Variants in PPRC1 observed in about 807,000 individuals in gnomAD.
The protein encoded by PPRC1 is peroxisome proliferator-activated receptor gamma coactivator-related protein 1.
A neutral mutation model predicts 132.5 loss-of-function variants in PPRC1; 23 were observed. That is an observed-to-expected ratio of 0.17 (90% CI 0.12 to 0.25). PPRC1 has a LOEUF of 0.25. PPRC1 is among the 10% of genes least tolerant of loss of function. The pLI is 1.00. For synonymous variants in PPRC1, 872 were observed against 833.5 expected (o/e 1.05, Z -0.80); for missense variants, 2,006 against 2,089.1 (o/e 0.96, Z 0.78).
chr10:102,148,870 A>T lies in PPRC1; in HGVS notation c.4671A>T (p.Ser1557=). ...AGATACCTGGCCGCATGACTCGATC[A>T]GAGCTGAAACAGAGGTTCTCCGTTT... is the stretch of plus-strand genomic sequence containing the variant. The part of the protein sequence containing the change: ...IGKIPGRMTR[S]ELKQRFSVFG... Residue 1557 remains serine, a synonymous_variant, in exon 12 of 14, where the codon TCA becomes TCT. Transcript: ENST00000278070. This position sits in a 1 kb window ranked among gnomAD's most constrained non-coding sequence, Gnocchi z 4.2. 6.2e-7 allele frequency: 1 copy of T among 1,614,190 alleles called. No homozygotes were observed.
chr10:102,139,833 C>T lies in PPRC1; in HGVS notation c.1325C>T (p.Pro442Leu), dbSNP rs2068876573. ...EVVEPVVPKE[P>L]QNPPANAAPG... The stretch of plus-strand genomic sequence containing the variant: ...GTGGAGCCGGTGGTGCCCAAGGAGC[C>T]TCAGAACCCACCTGCCAATGCAGCA... Residue 442 changes from proline to leucine, a missense_variant, in exon 5 of 14, where the codon CCT (proline) becomes CTT (leucine). This residue lies in a region of PPRC1 where 1,914 missense variants were observed against 1,917.2 expected (regional missense o/e 1.00). Transcript: ENST00000278070. 1 of 1,614,108 alleles carries T rather than the reference C, an allele frequency of 6.2e-7. No individual in the cohort carries two copies. Among genetic ancestry groups the T allele is most frequent in the Non-Finnish European group, 8.5e-7 (1 of 1,180,010 alleles).
the PPRC1 span, chr10:102,120,210 C>T: frequency 5.9e-6 from 6 of 1,011,136 alleles, no homozygotes; most frequent in Non-Finnish European, 7.1e-6. Flanking sequence ...GCGGCCCCCG[C>T]TGCGCTCGCC....
Position 102,140,213 on chromosome 10 carries a change from C to T in PPRC1, c.1705C>T (p.Pro569Ser), listed in dbSNP as rs367764446. The T allele has an allele frequency of 4.0e-5, 64 of 1,614,114 alleles. No individual in the cohort carries two copies. Among genetic ancestry groups the T allele is most frequent in the Middle Eastern group, 3.3e-4 (2 of 6,084 alleles). ...GCTGGCTGACACTATCCAAACCAAT[C>T]CTATACCAACCCATCTCTCATTGGT... is the stretch of plus-strand genomic sequence containing the variant. ...PKLADTIQTN[P>S]IPTHLSLVDS... The change falls in exon 5 of 14, where the codon CCT (proline) becomes TCT (serine). Residue 569 changes from proline to serine, a missense_variant. Physicochemically the swap from Pro to Ser is moderately conservative, Grantham distance 74. Around this residue, in one of 2 missense-constraint regions of PPRC1, gnomAD observed 1,914 missense variants for 1,917.2 expected, o/e 1.00. Transcript: ENST00000278070.
chr10:102,147,267 C>T lies in PPRC1; in HGVS notation c.4275C>T (p.Arg1425=). 2 of 1,613,078 alleles carry T rather than the reference C, an allele frequency of 1.2e-6. No homozygotes were observed. The highest frequency in any genetic ancestry group is 1.7e-6 in the Non-Finnish European group (2 of 1,180,034). Residue 1425 remains arginine, a synonymous_variant, in exon 9 of 14, where the codon CGC becomes CGT. Transcript: ENST00000278070. Reference sequence around the variant, plus strand: ...AGGGCTGGCAGGGCCGCCGAGGCCGCAACAGCCGTTCTGTCAGCTCTGGGT... The same window carrying T: ...AGGGCTGGCAGGGCCGCCGAGGCCGTAACAGCCGTTCTGTCAGCTCTGGGT... The part of the protein sequence containing the change: ...SSQGWQGRRG[R]NSRSVSSGSN...
At chr10:102,142,519 A>T (rs2069040137) in intron 5 of PPRC1, among the ~76,000 whole-genome samples, 1 of 139,226 alleles carries the variant, frequency 7.2e-6, no homozygotes, top group South Asian at 2.2e-4. Context: ...CCCGGGTTCA[A>T]GCGATTCTCC....
rs149143895 is a variant in PPRC1, at chr10:102,139,747, G to C, written c.1239G>C (p.Gly413=). The change falls in exon 5 of 14, where the codon GGG becomes GGC. Residue 413 remains glycine, a synonymous_variant. Transcript: ENST00000278070. The part of the protein sequence containing the change: ...PKVTLCSEKE[G]LSLNSEEKLD... Reference sequence around the variant, plus strand: ...TAACCCTCTGCTCTGAGAAAGAGGGGTTGTCATTGAACTCAGAGGAGAAGC... The same window carrying C: ...TAACCCTCTGCTCTGAGAAAGAGGGCTTGTCATTGAACTCAGAGGAGAAGC... 108 of 1,614,158 alleles carry C rather than the reference G, an allele frequency of 6.7e-5. No individual in the cohort carries two copies. Among genetic ancestry groups the C allele is most frequent in the Non-Finnish European group, 8.8e-5 (104 of 1,180,046 alleles).
At position 102,140,043 on chromosome 10, in the gene PPRC1, C is replaced by T. The variant is rs778218996; in HGVS notation, c.1535C>T (p.Ser512Phe). ...CCTCAGGAAGAACTTCAAAAAGAGT[C>T]TGGGCCTCTCCAGGGTAAGGGGAAG... ...KQPQEELQKE[S>F]GPLQGKGKPR... is the part of the protein sequence containing the mutation. The change falls in exon 5 of 14, where the codon TCT (serine) becomes TTT (phenylalanine). Residue 512 changes from serine (S) to phenylalanine (F), a missense_variant. This residue lies in a region of PPRC1 where 1,914 missense variants were observed against 1,917.2 expected (regional missense o/e 1.00). Transcript: ENST00000278070. 6 of 1,614,092 alleles carry T rather than the reference C, an allele frequency of 3.7e-6. No homozygotes were observed. In the Admixed American group the frequency reaches 1.0e-4, roughly 27 times the overall value.
chr10:102,144,790 G>T (rs184404313), intron 7 of PPRC1: 4 of 548,878 alleles, frequency 7.3e-6, no homozygotes, highest in Non-Finnish European at 1.3e-5. Flanking sequence ...GAGGTGGGGG[G>T]TATTCAAGGT....
chr10:102,127,698 G>A, the PPRC1 span, among the ~76,000 whole-genome samples: 5 of 151,882 alleles, frequency 3.3e-5, no homozygotes, highest in Admixed American at 6.6e-5. Flanking sequence ...GAGTCACCAC[G>A]CCCGGCCTGC....
At chr10:102,124,413 G>C in the PPRC1 span, among the ~76,000 whole-genome samples, 1 of 152,010 alleles carries the variant, frequency 6.6e-6, no homozygotes, top group Non-Finnish European at 1.5e-5. Flanking sequence ...GCCCAGGCTG[G>C]AGTGCAGTGG....
the PPRC1 span, among the ~76,000 whole-genome samples, chr10:102,127,012 T>C: frequency 2.1e-5 from 2 of 94,500 alleles, no homozygotes; most frequent in African/African-American, 7.3e-5. Flanking sequence ...AGGAATATGG[T>C]TTTTTATCAT....
chr10:102,130,562 C>T (rs1403524024), upstream of PPRC1, among the ~76,000 whole-genome samples: 1 of 151,388 alleles, frequency 6.6e-6, no homozygotes, highest in Admixed American at 6.6e-5. Context: ...ATGGAGAAAC[C>T]CCCTCTCTAC....
Position 102,141,894 on chromosome 10 carries a change from T to A in PPRC1, c.3386T>A (p.Val1129Asp). 6.2e-7 allele frequency: 1 copy of A among 1,614,100 alleles called. No individual in the cohort carries two copies. Among genetic ancestry groups the A allele is most frequent in the Non-Finnish European group, 8.5e-7 (1 of 1,180,014 alleles). The change falls in exon 5 of 14, where the codon GTC (valine) becomes GAC (aspartate). Residue 1129 changes from valine to aspartate, a missense_variant. Val to Asp is a radical substitution (Grantham distance 152, BLOSUM62 -3). Around this residue, in one of 2 missense-constraint regions of PPRC1, gnomAD observed 1,914 missense variants for 1,917.2 expected, o/e 1.00. Transcript: ENST00000278070. Reference protein sequence around the residue: ...KAVPTPRQSTVPKLPAVHPAR... With the variant: ...KAVPTPRQSTDPKLPAVHPAR... ...GTTCCCACACCAAGGCAGAGCACTG[T>A]CCCCAAGCTGCCTGCTGTCCACCCA... is the stretch of plus-strand genomic sequence containing the variant.
intron 1 of PPRC1, among the ~76,000 whole-genome samples, chr10:102,135,365 T>C (rs2068684353): frequency 6.6e-6 from 1 of 152,100 alleles, no homozygotes. Context: ...AAGCTATATA[T>C]ATATATATTT....
chr10:102,136,317 G>T (rs190366706), intron 1 of PPRC1, among the ~76,000 whole-genome samples: 55 of 152,146 alleles, frequency 3.6e-4, no homozygotes, highest in Middle Eastern at 3.4e-3. Flanking sequence ...TTGCCGGGGT[G>T]TGGGGGGTGG....
intron 6 of PPRC1, among the ~76,000 whole-genome samples, chr10:102,143,649 G>A (rs2069097054): frequency 6.6e-6 from 1 of 151,794 alleles, no homozygotes; most frequent in Non-Finnish European, 1.5e-5. Context: ...GTTGTTTAGG[G>A]ACATTTTTCT....
At chr10:102,129,054 C>G (rs1171789259), upstream of PPRC1, among the ~76,000 whole-genome samples, 231 of 150,526 alleles carry the variant, frequency 1.5e-3, 1 homozygote, top group African/African-American at 5.4e-3. Context: ...CTCAGCCTCC[C>G]GCGTAGCTGG....
At chr10:102,120,458 C>G in the PPRC1 span, 1 of 924,190 alleles carries the variant, frequency 1.1e-6, no homozygotes, top group Non-Finnish European at 1.3e-6. Context: ...CCCTCGCGCT[C>G]GCGCTCCCTC....
the PPRC1 span, among the ~76,000 whole-genome samples, chr10:102,123,214 C>T: frequency 3.9e-5 from 6 of 152,224 alleles, no homozygotes; most frequent in African/African-American, 1.4e-4. Context: ...ACAGAGCTAA[C>T]AAGCACTTGA....
Sources: allele counts gnomAD v4.1 joint callset (sites outside exome capture counted in the v4.1 genomes callset), GRCh38; gene constraint gnomAD v4.1.1; regional missense constraint gnomAD v4.1.1; non-coding constraint Gnocchi (gnomAD v3.1); transcripts MANE v1.5; gene names NCBI Gene and HGNC (gene_info 2026-07-23, HGNC 2026-07-21).